Variants in CACNB2 observed in about 807,000 individuals in gnomAD.
CACNB2 encodes calcium voltage-gated channel auxiliary subunit beta 2.
Under a neutral mutation model 73.3 loss-of-function variants are expected in CACNB2, and 42 were observed. The ratio of observed to expected loss-of-function variants is 0.57; its 90% CI spans 0.45 to 0.74. The LOEUF (loss-of-function observed/expected upper bound fraction) is 0.74. Ranked by LOEUF, CACNB2 falls within the 30% of genes least tolerant of loss-of-function variation. The probability of loss-of-function intolerance (pLI) is 0.00; values close to 1 mark genes in which losing one functional copy is unlikely to be tolerated. For missense variants in CACNB2, 940 were observed against 853.0 expected (o/e 1.10, Z -1.27); for synonymous variants, 348 against 310.3 (o/e 1.12, Z -1.28).
intron 1 of CACNB2, among the ~76,000 whole-genome samples, chr10:18,147,750 G>A (rs2031135278): frequency 6.6e-6 from 1 of 151,394 alleles, no homozygotes; most frequent in South Asian, 2.1e-4. Flanking sequence ...CTAAATATTT[G>A]AACACTTAAT....
chr10:18,280,555 A>T (rs2038498747), intron 2 of CACNB2, among the ~76,000 whole-genome samples: 1 of 152,172 alleles, frequency 6.6e-6, no homozygotes, highest in Non-Finnish European at 1.5e-5. Context: ...GCACCCTCAC[A>T]GGGAGCATGT....
intron 9 of CACNB2, among the ~76,000 whole-genome samples, chr10:18,522,155 C>A (rs1477108912): frequency 1.3e-5 from 2 of 152,000 alleles, no homozygotes; most frequent in Non-Finnish European, 2.9e-5. Context: ...GCCTGGTGTT[C>A]TTTCACTGTC....
chr10:18,184,841 A>G (rs1190877141), intron 2 of CACNB2, among the ~76,000 whole-genome samples: 1 of 152,034 alleles, frequency 6.6e-6, no homozygotes, highest in Non-Finnish European at 1.5e-5. Flanking sequence ...TATTAAGCCC[A>G]GCATGCATTA....
intron 2 of CACNB2, among the ~76,000 whole-genome samples, chr10:18,197,821 G>A (rs1008317293): frequency 6.6e-6 from 1 of 151,630 alleles, no homozygotes; most frequent in African/African-American, 2.4e-5. Context: ...ATGAAGGATG[G>A]GTGGACACCT....
chr10:18,300,584 C>G (rs1271299108), intron 2 of CACNB2, among the ~76,000 whole-genome samples: 3 of 152,180 alleles, frequency 2.0e-5, no homozygotes, highest in African/African-American at 7.2e-5. Context: ...TTTGTTATGC[C>G]TTTTGGCAAT....
chr10:18,519,886 C>A (rs559141738), intron 9 of CACNB2: 14 of 372,958 alleles, frequency 3.8e-5, no homozygotes, highest in African/African-American at 3.0e-4. Flanking sequence ...CTTACTTGAC[C>A]ATGAGCAGTA....
At chr10:18,459,587 C>T (rs2047456302) in intron 3 of CACNB2, among the ~76,000 whole-genome samples, 1 of 152,214 alleles carries the variant, frequency 6.6e-6, no homozygotes, top group Non-Finnish European at 1.5e-5. Context: ...TCACCAAAAA[C>T]AGCAAATAGT....
chr10:18,446,914 T>A (rs1300818969), intron 3 of CACNB2, among the ~76,000 whole-genome samples: 1 of 151,942 alleles, frequency 6.6e-6, no homozygotes, highest in Non-Finnish European at 1.5e-5. Context: ...AAATAAAAAA[T>A]TAGGTGTGAT....
At chr10:18,296,041 G>A (rs6482265) in intron 2 of CACNB2, among the ~76,000 whole-genome samples, 35,346 of 106,296 alleles carry the variant, frequency 0.33, 4,744 homozygotes, top group Non-Finnish European at 0.35. Flanking sequence ...CGTGATCACT[G>A]TATCTGTCTT....
Position 18,542,487 on chromosome 10 carries a change from A to C in CACNB2, c.*2763A>C, listed in dbSNP as rs2054109496. The C allele has an allele frequency of 6.6e-6, 1 of 152,228 alleles. No homozygotes were observed. The highest frequency in any genetic ancestry group is 6.5e-5 in the Admixed American group (1 of 15,278). 9.4% of individuals were successfully genotyped at this position (152,228 alleles called of 1,614,324 possible). On this transcript the variant is annotated 3_prime_UTR_variant, in exon 14 of 14. Transcript: ENST00000324631. ...TGATTTTAGAATATTTAAATTCTTG[A>C]AACATAGCTAGTATTTATCTTACTT...
chr10:18,438,110 C>T (rs1226356979), intron 3 of CACNB2, among the ~76,000 whole-genome samples: 1 of 137,174 alleles, frequency 7.3e-6, no homozygotes, highest in East Asian at 2.3e-4. Flanking sequence ...CTCCGCCTCC[C>T]GGGTTCATGC....
intron 2 of CACNB2, among the ~76,000 whole-genome samples, chr10:18,200,415 G>A (rs1162103497): frequency 1.3e-5 from 2 of 151,854 alleles, no homozygotes. Context: ...ACATGAATTG[G>A]AATATGGCTC....
chr10:18,436,844 A>G (rs1215274942), intron 3 of CACNB2, among the ~76,000 whole-genome samples: 1 of 152,244 alleles, frequency 6.6e-6, no homozygotes, highest in East Asian at 1.9e-4. Context: ...ATGCCTGAAT[A>G]TAAGATGAGG....
At chr10:18,514,530 G>C (rs987569417) in intron 7 of CACNB2, 161 bp downstream of exon 7, 2 of 1,613,730 alleles carry the variant, frequency 1.2e-6, no homozygotes, top group Middle Eastern at 1.6e-4. Flanking sequence ...AGCAGAAATC[G>C]GTAAGTTTAC....
chr10:18,283,213 C>G (rs11013321), intron 2 of CACNB2, among the ~76,000 whole-genome samples: 60,269 of 152,038 alleles, frequency 0.4, 12,291 homozygotes, highest in East Asian at 0.65. Context: ...CACTTTTACA[C>G]TGTTGATGGG....
chr10:18,149,443 C>T (rs12765240), intron 1 of CACNB2, among the ~76,000 whole-genome samples: 10,991 of 152,226 alleles, frequency 0.072, 496 homozygotes, highest in South Asian at 0.12. Context: ...AATTAAATGT[C>T]ATGGAAACAC....
At chr10:18,438,680 G>C (rs2046270444) in intron 3 of CACNB2, among the ~76,000 whole-genome samples, 1 of 152,236 alleles carries the variant, frequency 6.6e-6, no homozygotes, top group Admixed American at 6.5e-5. Context: ...AGTTCTGTTA[G>C]AGCATTCGGA....
rs987568058 is a variant in CACNB2 at position 18,261,194 on chromosome 10, C to G, written c.213+110219C>G. On this transcript the variant is annotated intron_variant, in intron 2 of 13. Transcript: ENST00000324631. ...GGAGTAGAAGGTGGGAAGAAATGGA[C>G]CGAGGCTGTGACGAGAAGACAAGGC... The G allele has an allele frequency of 1.9e-6, 3 of 1,549,212 alleles. No homozygotes were observed. In the African/African-American group the frequency reaches 4.1e-5, roughly 21 times the overall value.
chr10:18,298,920 G>A (rs1340648462), intron 2 of CACNB2, among the ~76,000 whole-genome samples: 1 of 152,046 alleles, frequency 6.6e-6, no homozygotes, highest in Non-Finnish European at 1.5e-5. Flanking sequence ...TAGTGCCTTT[G>A]GAGAAAAGGT....
Sources: allele counts gnomAD v4.1 joint callset (sites outside exome capture counted in the v4.1 genomes callset), GRCh38; gene constraint gnomAD v4.1.1; transcripts MANE v1.5; gene names NCBI Gene and HGNC (gene_info 2026-07-23, HGNC 2026-07-21).